Variants in IL34 observed in about 807,000 individuals in gnomAD.
IL34 encodes interleukin 34.
In IL34, 17 loss-of-function variants were observed where a neutral mutation model predicts 25.3. That is an observed-to-expected ratio of 0.67 (90% CI 0.46 to 1.01). The LOEUF (loss-of-function observed/expected upper bound fraction) is 1.01. IL34 is among the 50% of genes least tolerant of loss of function. The pLI, the probability that IL34 is intolerant of heterozygous loss-of-function variation, is 0.00. For missense variants in IL34, 368 were observed against 312.9 expected, an observed-to-expected ratio of 1.18 and a Z score of -1.33; for synonymous variants, 174 against 140.9, an observed-to-expected ratio of 1.23 and a Z score of -1.66.
intron 1 of IL34, among the ~76,000 whole-genome samples, chr16:70,601,288 G>T (rs1014310192): frequency 6.6e-6 from 1 of 152,086 alleles, no homozygotes; most frequent in African/African-American, 2.4e-5. Flanking sequence ...AAAAAAAATT[G>T]TAGAGACAGG....
chr16:70,620,440 G>A (rs2051256392), intron 1 of IL34, among the ~76,000 whole-genome samples: 1 of 101,866 alleles, frequency 9.8e-6, no homozygotes, highest in Non-Finnish European at 1.8e-5. Flanking sequence ...GTGTGAGGAG[G>A]GGAGGTGATA....
intron 1 of IL34, among the ~76,000 whole-genome samples, chr16:70,631,077 A>C (rs2051507735): frequency 6.6e-6 from 1 of 152,356 alleles, no homozygotes; most frequent in African/African-American, 2.4e-5. Context: ...GTTGAAACTG[A>C]AGATGCAAAA....
Position 70,632,018 on chromosome 16 carries a change from C to G in IL34, c.-400-14530C>G, listed in dbSNP as rs559017997. Among the ~76,000 whole-genome samples the G allele has an allele frequency of 7.9e-5, 12 of 151,752 alleles. No individual in the cohort carries two copies. The South Asian group carries it at 2.5e-3, about 32-fold the overall frequency. ...TGGGAGGCTGAGGTAGGAGGATTAC[C>G]TGAGCCTGGGGAGGTCAAGGCTGCA... On this transcript the variant is annotated intron_variant, in intron 1 of 6. Transcript: ENST00000429149.
intron 1 of IL34, among the ~76,000 whole-genome samples, chr16:70,587,765 G>A (rs1196137935): frequency 3.3e-5 from 5 of 152,084 alleles, no homozygotes; most frequent in South Asian, 2.1e-4. Context: ...ATAGCCGGGC[G>A]CAGCGGCTCA....
At chr16:70,657,973 T>C (rs1368675036) in intron 4 of IL34, among the ~76,000 whole-genome samples, 1 of 152,132 alleles carries the variant, frequency 6.6e-6, no homozygotes, top group Non-Finnish European at 1.5e-5. Context: ...TCAGGGATAT[T>C]ATCCTCTAAA....
Position 70,636,918 on chromosome 16 carries a change from C to T in IL34, c.-400-9630C>T, listed in dbSNP as rs957406425. Among the ~76,000 whole-genome samples the T allele has an allele frequency of 3.3e-5, 5 of 151,638 alleles. No homozygotes were observed. In the East Asian group the frequency reaches 7.7e-4, roughly 23 times the overall value. On this transcript the variant is annotated intron_variant, in intron 1 of 6. Transcript: ENST00000429149. ...TTTTTGAGACGGGGTTTCGTTCTGTCGCCCAGGTTGGAGTACAGTGGCGTA... is the reference window on the plus strand; with the variant it reads ...TTTTTGAGACGGGGTTTCGTTCTGTTGCCCAGGTTGGAGTACAGTGGCGTA...
In IL34 at chr16:70,623,044, C is replaced by A. The variant is rs144387681; in HGVS notation, c.-400-23504C>A. ...AGGGATTGAGGTTTGGGGGATTAAT[C>A]GGACACGAGCAGCAGGGGGAGCACC... On this transcript the variant is annotated intron_variant, in intron 1 of 6. Coordinates refer to the IL34 transcript ENST00000429149. Among the ~76,000 whole-genome samples, 431 of 152,066 alleles carry A rather than the reference C, an allele frequency of 2.8e-3. 1 individual carries two copies. The highest frequency in any genetic ancestry group is 0.01 in the African/African-American group (417 of 41,480).
chr16:70,635,359 G>A (rs945156082), intron 1 of IL34, among the ~76,000 whole-genome samples: 5 of 152,230 alleles, frequency 3.3e-5, no homozygotes, highest in African/African-American at 1.2e-4. Context: ...AGCTGCTGCA[G>A]CCTACCCTGC....
intron 1 of IL34, among the ~76,000 whole-genome samples, chr16:70,647,792 T>C (rs539420184): frequency 6.6e-6 from 1 of 152,290 alleles, no homozygotes; most frequent in East Asian, 1.9e-4. Context: ...ACCCTGGCCC[T>C]TGTGGAAATA....
At chr16:70,650,898 C>T (rs543831713) in intron 1 of IL34, among the ~76,000 whole-genome samples, 5 of 152,304 alleles carry the variant, frequency 3.3e-5, no homozygotes, top group African/African-American at 4.8e-5. Flanking sequence ...GTTCTCAGCA[C>T]GCTGGGCTGT....
intron 1 of IL34, among the ~76,000 whole-genome samples, chr16:70,648,956 C>T (rs28393835): frequency 0.14 from 20,545 of 152,130 alleles, 2,245 homozygotes; most frequent in African/African-American, 0.29. Flanking sequence ...TTTGTCTTTG[C>T]GTGGCCTTTC....
chr16:70,593,134 C>G (rs527500868), intron 1 of IL34, among the ~76,000 whole-genome samples: 1 of 152,130 alleles, frequency 6.6e-6, no homozygotes, highest in Admixed American at 6.6e-5. Flanking sequence ...GCCCTATTGT[C>G]CATTTTTTAA....
chr16:70,634,992 A>G (rs762585614), intron 1 of IL34, among the ~76,000 whole-genome samples: 5 of 152,134 alleles, frequency 3.3e-5, no homozygotes, highest in Admixed American at 2.0e-4. Context: ...GTTGGCAGAT[A>G]TTTGGATGGT....
intron 1 of IL34, among the ~76,000 whole-genome samples, chr16:70,602,755 A>T (rs1394638682): frequency 1.3e-5 from 2 of 151,814 alleles, no homozygotes; most frequent in Non-Finnish European, 2.9e-5. Flanking sequence ...GCCCAGGCTG[A>T]TCTTGAACTC....
In IL34 at chr16:70,656,645, AG is replaced by A; in HGVS notation, c.211del (p.Val71CysfsTer15). ...PINYKISVPY[E>X]GVFRIANVTR... The stretch of plus-strand genomic sequence containing the variant: ...AACTACAAGATCAGTGTGCCTTACG[AG>A]GGGGTGTTCAGAATCGCCAACGTCA... On this transcript the variant is annotated frameshift_variant, in exon 3 of 6. Transcript: ENST00000288098. LOFTEE classifies it high-confidence loss of function. 10 of 1,473,812 alleles carry A rather than the reference AG, an allele frequency of 6.8e-6. No homozygotes were observed. The highest frequency in any genetic ancestry group is 8.6e-6 in the Non-Finnish European group (9 of 1,051,880). The allele number at this position is 1,473,812 out of a possible 1,614,324, so 91.3% of individuals were successfully genotyped here.
intron 1 of IL34, among the ~76,000 whole-genome samples, chr16:70,593,402 T>C (rs2050779301): frequency 6.6e-6 from 1 of 152,182 alleles, no homozygotes; most frequent in Admixed American, 6.6e-5. Context: ...TCTAGAAGTT[T>C]TATAGTTTTG....
chr16:70,641,901 C>T (rs971988405), upstream of IL34, among the ~76,000 whole-genome samples: 2 of 152,090 alleles, frequency 1.3e-5, no homozygotes, highest in African/African-American at 2.4e-5. Flanking sequence ...ACTAAAAATC[C>T]TCATTAGTTA....
chr16:70,611,926 G>A (rs2051097045), intron 1 of IL34, among the ~76,000 whole-genome samples: 1 of 152,234 alleles, frequency 6.6e-6, no homozygotes, highest in Non-Finnish European at 1.5e-5. Flanking sequence ...CAGGAGGATT[G>A]CTTGAGATTG....
intron 1 of IL34, among the ~76,000 whole-genome samples, chr16:70,636,780 C>CAAAAA (rs2051659732): frequency 6.6e-6 from 1 of 151,698 alleles, no homozygotes; most frequent in African/African-American, 2.4e-5. Context: ...ACAAACAAAA[C>CAAAAA]AAAACAAAAC....
Sources: allele counts gnomAD v4.1 joint callset (sites outside exome capture counted in the v4.1 genomes callset), GRCh38; gene constraint gnomAD v4.1.1; transcripts MANE v1.5; gene names NCBI Gene and HGNC (gene_info 2026-07-23, HGNC 2026-07-21).